GPR78: variants seen among roughly 807,000 people sequenced by gnomAD.
GPR78 encodes the protein G protein-coupled receptor 78.
In GPR78, 29 loss-of-function variants were observed where a neutral mutation model predicts 17.9. The ratio of observed to expected loss-of-function variants is 1.62; its 90% CI spans 1.20 to 2.21. The LOEUF is 2.21. Among genes scored for constraint, GPR78 ranks in the 30% most tolerant of loss-of-function variants. GPR78 has a pLI of 0.00. For missense variants in GPR78, 649 were observed against 530.5 expected (o/e 1.22, Z -2.19); for synonymous variants, 349 against 256.9 (o/e 1.36, Z -3.43).
In GPR78 at chr4:8,588,269, C is replaced by T. The variant is rs1160420374; in HGVS notation, c.*906C>T. On this transcript the variant is annotated 3_prime_UTR_variant, in exon 3 of 3. Transcript: ENST00000382487. ...CTGGGATGGGGAGGGCCCTTGCTCCCCAACAGCAGTGCTGGGGGAGCCAAG... is the reference window on the plus strand; with the variant it reads ...CTGGGATGGGGAGGGCCCTTGCTCCTCAACAGCAGTGCTGGGGGAGCCAAG... Among the ~76,000 whole-genome samples, 4 of 152,184 alleles carry T rather than the reference C, an allele frequency of 2.6e-5. No individual in the cohort carries two copies. Among genetic ancestry groups the T allele is most frequent in the African/African-American group, 7.2e-5 (3 of 41,450 alleles).
intron 1 of GPR78, 129 bp downstream of exon 1, chr4:8,581,779 C>G (rs1270041264): frequency 6.1e-6 from 4 of 660,984 alleles, no homozygotes; most frequent in Non-Finnish European, 9.6e-6. Context: ...AGCACTGCCC[C>G]TGCACGCTGC....
intron 2 of GPR78, among the ~76,000 whole-genome samples, chr4:8,584,335 A>G (rs945828495): frequency 6.6e-6 from 1 of 152,194 alleles, no homozygotes; most frequent in African/African-American, 2.4e-5. Flanking sequence ...AAGAGGAAGA[A>G]TCCCAAACAA....
In GPR78 at chr4:8,580,656, C is replaced by T; in HGVS notation, c.-327C>T. On this transcript the variant is annotated 5_prime_UTR_variant, in exon 1 of 3. Coordinates refer to ENST00000382487, the MANE Select transcript of GPR78 (RefSeq NM_080819.5). ...AAAGAGACCTCCCTCGCCCCTACGC[C>T]CCGCGCCCCTGCGCCTCGCTTCAGC... 2.3e-6 allele frequency: 1 copy of T among 430,560 alleles called. No individual in the cohort carries two copies. Among genetic ancestry groups the T allele is most frequent in the Non-Finnish European group, 4.1e-6 (1 of 244,832 alleles). The allele number at this position is 430,560 out of a possible 1,614,324, so 26.7% of individuals were successfully genotyped here. A position where few individuals can be genotyped will look rare whatever the true frequency, so the allele number is the denominator to read the frequency against.
Position 8,587,112 on chromosome 4 carries a change from T to G in GPR78, c.841T>G (p.Cys281Gly). The G allele has an allele frequency of 1.9e-6, 3 of 1,613,364 alleles. No individual in the cohort carries two copies. In the South Asian group the frequency reaches 3.3e-5, roughly 18 times the overall value. The part of the protein sequence containing the change: ...VNAQWGILSK[C>G]LTYSKAVADP... ...CGCCCAGTGGGGCATCCTCAGCAAG[T>G]GCCTGACCTACAGCAAGGCGGTGGC... Residue 281 changes from cysteine to glycine, a missense_variant, in exon 3 of 3, where the codon TGC (cysteine) becomes GGC (glycine). Cys to Gly is a radical substitution (Grantham distance 159). Transcript: ENST00000382487.
chr4:8,581,795 G>A (rs1184450225), intron 1 of GPR78, 145 bp downstream of exon 1: 1 of 616,370 alleles, frequency 1.6e-6, no homozygotes, highest in Non-Finnish European at 2.6e-6. Flanking sequence ...GCTGCTCACA[G>A]GGGTTTCCTG....
Position 8,587,153 on chromosome 4 carries a change from C to T in GPR78, c.882C>T (p.Tyr294=), listed in dbSNP as rs767708413. The change falls in exon 3 of 3, where the codon TAC becomes TAT. Residue 294 remains tyrosine, a synonymous_variant. Coordinates refer to ENST00000382487, the MANE Select transcript of GPR78 (RefSeq NM_080819.5). The stretch of plus-strand genomic sequence containing the variant: ...AGGCGGTGGCCGACCCGTTCACGTA[C>T]TCTCTGCTCCGCCGGCCGTTCCGCC... The part of the protein sequence containing the change: ...YSKAVADPFT[Y]SLLRRPFRQV... The T allele has an allele frequency of 3.7e-6, 6 of 1,613,380 alleles. No homozygotes were observed. Among genetic ancestry groups the T allele is most frequent in the Non-Finnish European group, 4.2e-6 (5 of 1,180,018 alleles).
chr4:8,583,435 T>C lies in GPR78; in HGVS notation c.782+791T>C, dbSNP rs550539919. Among the ~76,000 whole-genome samples the C allele has an allele frequency of 6.4e-4, 98 of 152,002 alleles. 1 individual carries two copies. The highest frequency in any genetic ancestry group is 2.2e-3 in the African/African-American group (93 of 41,440). ...TGAAGCGCTCAGGCTGTCTGGGAGG[T>C]CTCCACCCTATGTGTTGAGCCATAG... On this transcript the variant is annotated intron_variant, in intron 2 of 2. Transcript: ENST00000382487.
At position 8,589,313 on chromosome 4, in the gene GPR78, A is replaced by G. The variant is rs541384830; in HGVS notation, c.*1950A>G. ...AACTATAGGTATGTGGTCAGGAAGC[A>G]GTTAAAAACATTAAAATACAGACCT... On this transcript the variant is annotated 3_prime_UTR_variant, in exon 3 of 3. Transcript: ENST00000382487. Among the ~76,000 whole-genome samples the G allele has an allele frequency of 6.6e-6, 1 of 152,300 alleles. No homozygotes were observed. The highest frequency in any genetic ancestry group is 2.4e-5 in the African/African-American group (1 of 41,562).
rs9799717 is a variant in GPR78 at position 8,587,536 on chromosome 4, T to G, written c.*173T>G. The G allele has an allele frequency of 0.15, 103,416 of 693,246 alleles. 10,333 individuals are homozygous for G. The highest frequency in any genetic ancestry group is 0.41 in the African/African-American group (22,467 of 55,420). 42.9% of individuals were successfully genotyped at this position (693,246 alleles called of 1,614,324 possible). ...GGCCGGATGTGGGTGTGGACAGCAG[T>G]AGTGGCGGAGGAGAGCTCGGGGCTG... On this transcript the variant is annotated 3_prime_UTR_variant, in exon 3 of 3. Transcript: ENST00000382487.
At position 8,588,514 on chromosome 4, in the gene GPR78, G is replaced by A. The variant is rs751381754; in HGVS notation, c.*1151G>A. ...GAGGTGTGTGTGTGAATGAGTGAGCGAGTGAATGAATGGACACGATTCTCT... is the reference window on the plus strand; with the variant it reads ...GAGGTGTGTGTGTGAATGAGTGAGCAAGTGAATGAATGGACACGATTCTCT... On this transcript the variant is annotated 3_prime_UTR_variant, in exon 3 of 3. Coordinates refer to ENST00000382487, the MANE Select transcript of GPR78 (RefSeq NM_080819.5). Among the ~76,000 whole-genome samples, 17 of 152,362 alleles carry A rather than the reference G, an allele frequency of 1.1e-4. No individual in the cohort carries two copies. The highest frequency in any genetic ancestry group is 3.4e-4 in the African/African-American group (14 of 41,580).
At position 8,589,208 on chromosome 4, in the gene GPR78, C is replaced by T. The variant is rs1203853546; in HGVS notation, c.*1845C>T. ...TATTTGCTGACTCACCAATGCCTCC[C>T]CCAAAAGGATAAATTTAAAGGTGTG... On this transcript the variant is annotated 3_prime_UTR_variant, in exon 3 of 3. Coordinates refer to ENST00000382487, the MANE Select transcript of GPR78 (RefSeq NM_080819.5). 1.3e-5 allele frequency among the ~76,000 whole-genome samples: 2 copies of T among 152,142 alleles called. No individual in the cohort carries two copies. Among genetic ancestry groups the T allele is most frequent in the East Asian group, 3.9e-4 (2 of 5,186 alleles).
At chr4:8,582,223 T>A (rs1008005925) in intron 1 of GPR78, among the ~76,000 whole-genome samples, 1 of 152,036 alleles carries the variant, frequency 6.6e-6, no homozygotes, top group East Asian at 1.9e-4. Flanking sequence ...GACTTCTCCC[T>A]CCTTGAGGGC....
In GPR78 at chr4:8,587,099, C is replaced by T. The variant is rs757521555; in HGVS notation, c.828C>T (p.Gly276=). 3.7e-6 allele frequency: 6 copies of T among 1,613,136 alleles called. No individual in the cohort carries two copies. The highest frequency in any genetic ancestry group is 4.2e-6 in the Non-Finnish European group (5 of 1,179,966). The change falls in exon 3 of 3, where the codon GGC becomes GGT. Residue 276 remains glycine, a synonymous_variant. Transcript: ENST00000382487. ...TCGTCACCGTGAACGCCCAGTGGGGCATCCTCAGCAAGTGCCTGACCTACA... is the reference window on the plus strand; with the variant it reads ...TCGTCACCGTGAACGCCCAGTGGGGTATCCTCAGCAAGTGCCTGACCTACA... ...VPFVTVNAQW[G]ILSKCLTYSK...
intron 2 of GPR78, 39 bp from the exon 3 acceptor site, chr4:8,587,015 G>A (rs1190709025): frequency 1.9e-6 from 3 of 1,582,038 alleles, no homozygotes; most frequent in African/African-American, 1.3e-5. Context: ...GGCAGGTGCT[G>A]TCACTGTGGC....
At position 8,587,358 on chromosome 4, in the gene GPR78, C is replaced by G; in HGVS notation, c.1087C>G (p.His363Asp). 1 of 1,611,642 alleles carries G rather than the reference C, an allele frequency of 6.2e-7. No homozygotes were observed. The highest frequency in any genetic ancestry group is 8.5e-7 in the Non-Finnish European group (1 of 1,178,954). ...TENDSCLQQT[H>D] is the part of the protein sequence containing the mutation. ...GAATGATTCCTGCCTGCAGCAGACACACTGAGGGCCTGGCAGGGCTCATCG... is the reference window on the plus strand; with the variant it reads ...GAATGATTCCTGCCTGCAGCAGACAGACTGAGGGCCTGGCAGGGCTCATCG... Residue 363 changes from histidine (H) to aspartate (D), a missense_variant, in exon 3 of 3, where the codon CAC becomes GAC. His to Asp is a moderately conservative substitution (Grantham distance 81, BLOSUM62 -1). Coordinates refer to ENST00000382487, the MANE Select transcript of GPR78 (RefSeq NM_080819.5).
In GPR78 at chr4:8,585,565, A is replaced by C. The variant is rs532043537; in HGVS notation, c.783-1489A>C. ...GGGGGTGACAGTGTACCTGATGTGC[A>C]TGTGCTGGCCGGTGGCAAAGCCCTT... On this transcript the variant is annotated intron_variant, in intron 2 of 2. Coordinates refer to ENST00000382487, the MANE Select transcript of GPR78 (RefSeq NM_080819.5). 5.9e-5 allele frequency among the ~76,000 whole-genome samples: 9 copies of C among 152,270 alleles called. No individual in the cohort carries two copies. In the South Asian group the frequency reaches 1.7e-3, roughly 28 times the overall value.
chr4:8,585,126 G>T (rs954634029), intron 2 of GPR78, among the ~76,000 whole-genome samples: 2 of 152,226 alleles, frequency 1.3e-5, no homozygotes, highest in East Asian at 1.9e-4. Flanking sequence ...GCGGCAGTGA[G>T]ACCAGGAGGG....
chr4:8,582,748 C>T, intron 2 of GPR78, 104 bp downstream of exon 2: 1 of 778,460 alleles, frequency 1.3e-6, no homozygotes, highest in Non-Finnish European at 2.3e-6. Flanking sequence ...GGAGGGCGGC[C>T]ACCACCAGAG....
intron 1 of GPR78, 47 bp downstream of exon 1, chr4:8,581,697 G>T (rs1022586654): frequency 7.3e-7 from 1 of 1,362,660 alleles, no homozygotes; most frequent in Admixed American, 3.2e-5. Context: ...GGACTTGGGC[G>T]CTCCCTGGGC....
Sources: allele counts gnomAD v4.1 joint callset (sites outside exome capture counted in the v4.1 genomes callset), GRCh38; gene constraint gnomAD v4.1.1; transcripts MANE v1.5; gene names NCBI Gene and HGNC (gene_info 2026-07-23, HGNC 2026-07-21).